The following EYA4 variants were observed in gnomAD, a reference collection of about 807,000 sequenced individuals.
The protein encoded by EYA4 is EYA transcriptional coactivator and phosphatase 4.
A neutral mutation model predicts 87.9 loss-of-function variants in EYA4; 31 were observed. The observed-to-expected ratio is 0.35, with a 90% CI of 0.27 to 0.48. The LOEUF is 0.48. EYA4 is among the 20% of genes least tolerant of loss of function. The pLI, the probability that EYA4 is intolerant of heterozygous loss-of-function variation, is 0.99. For synonymous variants in EYA4, 263 were observed against 270.6 expected, an observed-to-expected ratio of 0.97 and a Z score of 0.28; for missense variants, 678 against 761.4, an observed-to-expected ratio of 0.89 and a Z score of 1.29.
Position 133,328,829 on chromosome 6 carries a change from C to A in EYA4, c.34-53563C>A, listed in dbSNP as rs907216459. ...TGAAAACACAGGTTTGCAGAAGATA[C>A]TAGGTTGTTATGGGTAAATGTCTGG... On this transcript the variant is annotated intron_variant, in intron 2 of 19. Coordinates refer to ENST00000355286, the MANE Select transcript of EYA4 (RefSeq NM_004100.5). Among the ~76,000 whole-genome samples the A allele has an allele frequency of 7.2e-5, 11 of 152,086 alleles. 1 individual carries two copies. The East Asian group carries it at 1.9e-3, about 27-fold the overall frequency.
intron 2 of EYA4, among the ~76,000 whole-genome samples, chr6:133,316,256 C>T (rs1460124647): frequency 6.6e-6 from 1 of 152,004 alleles, no homozygotes; most frequent in African/African-American, 2.4e-5. Flanking sequence ...ATAAAGTGTG[C>T]TGATGATCAT....
At chr6:133,393,235 A>T (rs1787455713) in intron 3 of EYA4, among the ~76,000 whole-genome samples, 1 of 152,084 alleles carries the variant, frequency 6.6e-6, no homozygotes, top group Non-Finnish European at 1.5e-5. Context: ...ATGGTAATAG[A>T]AAGGGGGATA....
chr6:133,330,130 TA>T (rs1781809228), intron 2 of EYA4, among the ~76,000 whole-genome samples: 1 of 152,072 alleles, frequency 6.6e-6, no homozygotes, highest in South Asian at 2.1e-4. Flanking sequence ...AGCAGCTGAC[TA>T]AAAGTGGAAC....
intron 2 of EYA4, among the ~76,000 whole-genome samples, chr6:133,351,985 GA>G (rs11311561): frequency 0.094 from 12,302 of 130,270 alleles, 782 homozygotes; most frequent in African/African-American, 0.2. Context: ...CTGTGTTAAA[GA>G]AAAAAAAAAA....
At chr6:133,323,641 G>C (rs1167234877) in intron 2 of EYA4, among the ~76,000 whole-genome samples, 4 of 152,088 alleles carry the variant, frequency 2.6e-5, no homozygotes, top group Non-Finnish European at 4.4e-5. Context: ...TGAGGTTCTA[G>C]GGGAAGCAAG....
In EYA4 at chr6:133,529,866, G is replaced by T; in HGVS notation, c.*1061G>T. ...TCATGACAACTTGCACAGTTTTGAG[G>T]TTGAGACTTTTGATATGTGTAAGTT... On this transcript the variant is annotated 3_prime_UTR_variant, in exon 20 of 20. Transcript: ENST00000355286. 4 of 985,372 alleles carry T rather than the reference G, an allele frequency of 4.1e-6. No homozygotes were observed. The highest frequency in any genetic ancestry group is 4.8e-6 in the Non-Finnish European group (4 of 829,916). The allele number at this position is 985,372 out of a possible 1,614,324, so 61.0% of individuals were successfully genotyped here.
intron 2 of EYA4, among the ~76,000 whole-genome samples, chr6:133,298,921 A>G (rs572988675): frequency 6.6e-6 from 1 of 152,334 alleles, no homozygotes; most frequent in African/African-American, 2.4e-5. Flanking sequence ...TTTTGTTTGT[A>G]TCCACAGCTC....
At chr6:133,327,210 T>C (rs1457592892) in intron 2 of EYA4, among the ~76,000 whole-genome samples, 1 of 152,116 alleles carries the variant, frequency 6.6e-6, no homozygotes, top group Non-Finnish European at 1.5e-5. Context: ...TAGTCTTAGC[T>C]CACTGCGACC....
chr6:133,389,318 C>A (rs1787054953), intron 3 of EYA4, among the ~76,000 whole-genome samples: 1 of 152,154 alleles, frequency 6.6e-6, no homozygotes, highest in Non-Finnish European at 1.5e-5. Context: ...CCCTATCCAG[C>A]CAACTAGTCC....
chr6:133,442,086 T>C (rs567345656), intron 3 of EYA4, among the ~76,000 whole-genome samples: 2 of 152,116 alleles, frequency 1.3e-5, no homozygotes, highest in Non-Finnish European at 1.5e-5. Flanking sequence ...ACTTAATATA[T>C]TCACATTAGT....
intron 3 of EYA4, among the ~76,000 whole-genome samples, chr6:133,388,748 G>A (rs1054237696): frequency 2.0e-5 from 3 of 152,176 alleles, no homozygotes. Flanking sequence ...CAACCAAAAG[G>A]AGGAAGGGCC....
intron 2 of EYA4, among the ~76,000 whole-genome samples, chr6:133,312,407 CACAG>C (rs1258392331): frequency 2.1e-5 from 3 of 146,212 alleles, no homozygotes; most frequent in African/African-American, 2.5e-5. Flanking sequence ...CACACACACA[CACAG>C]AGATAAAGCA....
chr6:133,427,524 G>C (rs1790776714), intron 3 of EYA4, among the ~76,000 whole-genome samples: 2 of 152,166 alleles, frequency 1.3e-5, no homozygotes, highest in Non-Finnish European at 2.9e-5. Flanking sequence ...TTTGACAGGG[G>C]TAAGGCCATT....
chr6:133,525,370 G>A, intron 19 of EYA4, 116 bp downstream of exon 19: 3 of 834,298 alleles, frequency 3.6e-6, no homozygotes, highest in Non-Finnish European at 6.1e-6. Flanking sequence ...TAGATGCAAA[G>A]CAATAAGAGC....
intron 17 of EYA4, among the ~76,000 whole-genome samples, chr6:133,516,736 A>AAT (rs1554273928): frequency 6.6e-6 from 1 of 151,216 alleles, no homozygotes; most frequent in African/African-American, 2.4e-5. Flanking sequence ...AAAAAAAAAA[A>AAT]GTAAAGAAAA....
At chr6:133,460,590 T>A (rs534903504) in intron 6 of EYA4, among the ~76,000 whole-genome samples, 80 of 152,254 alleles carry the variant, frequency 5.3e-4, no homozygotes, top group African/African-American at 1.8e-3. Context: ...CTGCATTTTT[T>A]AATTGTTCAT....
intron 11 of EYA4, among the ~76,000 whole-genome samples, chr6:133,475,813 C>T (rs1382823738): frequency 6.6e-6 from 1 of 152,084 alleles, no homozygotes; most frequent in Non-Finnish European, 1.5e-5. Context: ...CCTGGTTTTA[C>T]CCTTTATCAG....
At chr6:133,378,007 A>G (rs554944459) in intron 2 of EYA4, among the ~76,000 whole-genome samples, 1 of 151,998 alleles carries the variant, frequency 6.6e-6, no homozygotes, top group South Asian at 2.1e-4. Context: ...TTGGGAGGAA[A>G]TTTTTGGAAG....
intron 2 of EYA4, among the ~76,000 whole-genome samples, chr6:133,293,660 G>A (rs980674064): frequency 6.6e-6 from 1 of 152,044 alleles, no homozygotes; most frequent in African/African-American, 2.4e-5. Flanking sequence ...ATAACAGTTA[G>A]AGCCTGGGCG....
Sources: gnomAD v4.1 joint callset for allele counts (sites outside exome capture counted in the v4.1 genomes callset) on GRCh38, gnomAD v4.1.1 for gene constraint, MANE v1.5 for transcripts, NCBI Gene and HGNC (gene_info 2026-07-23, HGNC 2026-07-21) for gene names.